The following MACROD2 variants were observed in gnomAD, a reference collection of about 807,000 sequenced individuals.
MACROD2 encodes mono-ADP ribosylhydrolase 2.
A neutral mutation model predicts 70.4 loss-of-function variants in MACROD2; 36 were observed. The observed-to-expected ratio is 0.51, with a 90% CI of 0.39 to 0.68. MACROD2 has a LOEUF of 0.68. MACROD2 is among the 30% of genes least tolerant of loss of function. The pLI, the probability that MACROD2 is intolerant of heterozygous loss-of-function variation, is 0.00. For missense variants in MACROD2, 496 were observed against 538.4 expected (o/e 0.92, Z 0.78); for synonymous variants, 172 against 178.8 (o/e 0.96, Z 0.30).
intron 5 of MACROD2, among the ~76,000 whole-genome samples, chr20:14,747,885 C>G (rs1194816736): frequency 2.0e-5 from 3 of 152,078 alleles, no homozygotes; most frequent in Non-Finnish European, 4.4e-5. Context: ...TCTACTAGGA[C>G]AGTATCCACG....
intron 6 of MACROD2, among the ~76,000 whole-genome samples, chr20:15,425,239 A>G (rs1486760231): frequency 1.3e-5 from 2 of 152,248 alleles, no homozygotes; most frequent in African/African-American, 4.8e-5. Context: ...GTTTTAGGAA[A>G]CAAACAATTT....
chr20:14,270,525 G>A (rs564809467), intron 3 of MACROD2, among the ~76,000 whole-genome samples: 1 of 148,508 alleles, frequency 6.7e-6, no homozygotes, highest in Non-Finnish European at 1.5e-5. Context: ...GGAGGCTCAG[G>A]TTGCAGTGAG....
intron 5 of MACROD2, among the ~76,000 whole-genome samples, chr20:14,742,771 T>A (rs561427415): frequency 3.6e-4 from 49 of 135,806 alleles, no homozygotes; most frequent in African/African-American, 1.2e-3. Flanking sequence ...TTATTTTATT[T>A]TATTTTTTTT....
rs557978825 is a variant in MACROD2, at chr20:14,152,982, A to C, written c.271+67254A>C. On this transcript the variant is annotated intron_variant, in intron 3 of 17. Coordinates refer to ENST00000684519, the MANE Select transcript of MACROD2 (RefSeq NM_001351661.2). Reference sequence around the variant, plus strand: ...AACAACTAAATTTACTTTGATCATAAATTTAAATTGGGATGAATGGGTAGT... The same window carrying C: ...AACAACTAAATTTACTTTGATCATACATTTAAATTGGGATGAATGGGTAGT... Among the ~76,000 whole-genome samples, 105 of 152,294 alleles carry C rather than the reference A, an allele frequency of 6.9e-4. 1 individual carries two copies. In the South Asian group the frequency reaches 0.018, roughly 26 times the overall value.
At chr20:14,021,842 G>A (rs2053086107) in intron 2 of MACROD2, among the ~76,000 whole-genome samples, 1 of 152,082 alleles carries the variant, frequency 6.6e-6, no homozygotes, top group Admixed American at 6.5e-5. Context: ...TGGGGCTGGG[G>A]GACATTCTGC....
intron 3 of MACROD2, among the ~76,000 whole-genome samples, chr20:14,319,077 A>T (rs2122541719): frequency 6.6e-6 from 1 of 152,322 alleles, no homozygotes; most frequent in Non-Finnish European, 1.5e-5. Flanking sequence ...TGCTTCTGTC[A>T]TCATTATTCA....
Position 15,933,358 on chromosome 20 carries a change from G to A in MACROD2, c.838+20G>A. The stretch of plus-strand genomic sequence containing the variant: ...ATGCAGGTAGGCTCAGATTTCTTTT[G>A]AGAAGTCACCTAGGCCTCATCTGCA... On this transcript the variant is annotated intron_variant, in intron 11 of 17. Transcript: ENST00000684519. 6.2e-7 allele frequency: 1 copy of A among 1,611,212 alleles called. No homozygotes were observed. The highest frequency in any genetic ancestry group is 8.5e-7 in the Non-Finnish European group (1 of 1,178,246).
rs1261319569 is a variant in MACROD2 at position 14,226,632 on chromosome 20, T to C, written c.271+140904T>C. On this transcript the variant is annotated intron_variant, in intron 3 of 17. Transcript: ENST00000684519. ...CGGCCGGCCCTGCCAGCCCGGGCAA[T>C]GAGGGGCTTAGCACCCGGGCCAGCG... Among the ~76,000 whole-genome samples, 4 of 152,220 alleles carry C rather than the reference T, an allele frequency of 2.6e-5. No individual in the cohort carries two copies. In the East Asian group the frequency reaches 7.8e-4, roughly 30 times the overall value.
At chr20:14,698,216 C>T (rs1489603995) in intron 5 of MACROD2, among the ~76,000 whole-genome samples, 1 of 152,148 alleles carries the variant, frequency 6.6e-6, no homozygotes, top group Non-Finnish European at 1.5e-5. Flanking sequence ...TTTTGGTCTT[C>T]CCGTCTGGGA....
At chr20:15,061,086 A>G (rs1032675917) in intron 5 of MACROD2, among the ~76,000 whole-genome samples, 33 of 152,192 alleles carry the variant, frequency 2.2e-4, no homozygotes, top group African/African-American at 8.0e-4. Flanking sequence ...ATGATTTTAC[A>G]GCATGTATTT....
intron 5 of MACROD2, among the ~76,000 whole-genome samples, chr20:14,753,410 G>A (rs2071900473): frequency 6.6e-6 from 1 of 152,056 alleles, no homozygotes; most frequent in Non-Finnish European, 1.5e-5. Flanking sequence ...TTCAACAAAT[G>A]TGTAAGTATA....
intron 5 of MACROD2, among the ~76,000 whole-genome samples, chr20:14,911,090 A>G (rs1429926003): frequency 6.6e-6 from 1 of 152,162 alleles, no homozygotes; most frequent in Admixed American, 6.5e-5. Context: ...CTCAGTTCTA[A>G]TCACTATGAG....
At chr20:14,954,814 A>ATTAT in intron 5 of MACROD2, among the ~76,000 whole-genome samples, 2 of 6,320 alleles carry the variant, frequency 3.2e-4, no homozygotes, top group Non-Finnish European at 1.6e-3. Flanking sequence ...AATTTTATAT[A>ATTAT]ATATAAATTA....
At chr20:14,735,832 G>C (rs1600604451) in intron 5 of MACROD2, among the ~76,000 whole-genome samples, 1 of 152,242 alleles carries the variant, frequency 6.6e-6, no homozygotes, top group Non-Finnish European at 1.5e-5. Context: ...TTGGTTGACA[G>C]AGCCAGACTC....
At chr20:15,353,352 TC>T (rs1448523733) in intron 6 of MACROD2, among the ~76,000 whole-genome samples, 1 of 152,088 alleles carries the variant, frequency 6.6e-6, no homozygotes, top group Non-Finnish European at 1.5e-5. Flanking sequence ...AAAAATTAAT[TC>T]CAGATGGATT....
At chr20:14,637,316 C>G (rs1984837138) in intron 4 of MACROD2, among the ~76,000 whole-genome samples, 1 of 152,208 alleles carries the variant, frequency 6.6e-6, no homozygotes, top group Non-Finnish European at 1.5e-5. Flanking sequence ...ATATTAGTTG[C>G]CACTTAAAGA....
chr20:14,518,407 G>T (rs906475825), intron 4 of MACROD2, among the ~76,000 whole-genome samples: 2 of 151,926 alleles, frequency 1.3e-5, no homozygotes, highest in African/African-American at 2.4e-5. Flanking sequence ...AACTTCAAAG[G>T]CAATATTGAA....
chr20:14,880,134 A>G (rs891840613), intron 5 of MACROD2, among the ~76,000 whole-genome samples: 1 of 152,098 alleles, frequency 6.6e-6, no homozygotes, highest in African/African-American at 2.4e-5. Context: ...CGCAGAATCA[A>G]TTCATTTTCA....
intron 4 of MACROD2, among the ~76,000 whole-genome samples, chr20:14,504,364 G>C (rs2084947288): frequency 6.6e-6 from 1 of 152,184 alleles, no homozygotes; most frequent in East Asian, 1.9e-4. Flanking sequence ...CAAAAGCTCA[G>C]TGAGGTTAGG....
Sources: allele counts gnomAD v4.1 joint callset (sites outside exome capture counted in the v4.1 genomes callset), GRCh38; gene constraint gnomAD v4.1.1; transcripts MANE v1.5; gene names NCBI Gene and HGNC (gene_info 2026-07-23, HGNC 2026-07-21).